Variants in AUTS2 observed in about 807,000 individuals in gnomAD.
AUTS2 encodes the protein activator of transcription and developmental regulator AUTS2.
In AUTS2, 17 loss-of-function variants were observed where a neutral mutation model predicts 112.4. The ratio of observed to expected loss-of-function variants is 0.15; its 90% CI spans 0.10 to 0.23. The LOEUF is 0.23. Among genes scored for constraint, AUTS2 ranks in the 10% least tolerant of loss-of-function variants. The probability of loss-of-function intolerance (pLI) is 1.00; values close to 1 mark genes in which losing one functional copy is unlikely to be tolerated. For synonymous variants in AUTS2, 751 were observed against 702.7 expected (o/e 1.07, Z -1.09); for missense variants, 1,510 against 1,701.6 (o/e 0.89, Z 1.98).
intron 6 of AUTS2, among the ~76,000 whole-genome samples, chr7:70,760,162 C>T (rs1477212373): frequency 3.3e-5 from 5 of 152,180 alleles, no homozygotes; most frequent in Middle Eastern, 3.4e-3. Flanking sequence ...CCCGCCACCA[C>T]GCCCGGCTAA....
chr7:70,537,261 T>C (rs527865200), intron 5 of AUTS2, among the ~76,000 whole-genome samples: 1 of 152,342 alleles, frequency 6.6e-6, no homozygotes, highest in Non-Finnish European at 1.5e-5. Context: ...TAAAAGCAGG[T>C]GACCTTCTGT....
At chr7:69,980,264 T>C (rs1798241779) in intron 2 of AUTS2, among the ~76,000 whole-genome samples, 1 of 152,164 alleles carries the variant, frequency 6.6e-6, no homozygotes, top group Non-Finnish European at 1.5e-5. Flanking sequence ...ATCAACCTTT[T>C]AAAACTTATT....
rs551313087 is a variant in AUTS2 at position 70,396,679 on chromosome 7, T to A, written c.661-39073T>A. On this transcript the variant is annotated intron_variant, in intron 4 of 18. Transcript: ENST00000342771. Reference sequence around the variant, plus strand: ...GGTGTGAGCCACTGCACCTGGCCTATTTTGAGATTCATCTATATGGCTGCA... The same window carrying A: ...GGTGTGAGCCACTGCACCTGGCCTAATTTGAGATTCATCTATATGGCTGCA... 2.0e-5 allele frequency among the ~76,000 whole-genome samples: 3 copies of A among 152,264 alleles called. No individual in the cohort carries two copies. The East Asian group carries it at 5.8e-4, about 29-fold the overall frequency.
Position 70,117,103 on chromosome 7 carries a change from TG to T in AUTS2, c.523-1028del, listed in dbSNP as rs1211714308. Among the ~76,000 whole-genome samples, 121 of 123,834 alleles carry T rather than the reference TG, an allele frequency of 9.8e-4. 1 individual carries two copies. The highest frequency in any genetic ancestry group is 3.3e-3 in the African/African-American group (100 of 29,872). 81.2% of individuals were successfully genotyped at this position (123,834 alleles called of 152,430 possible). ...AACGTAAACTTCATGAGATGACTTT[TG>T]TTTTTTTTTTTTGTTTTTTTTTGTT... is the stretch of plus-strand genomic sequence containing the variant. On this transcript the variant is annotated intron_variant, in intron 2 of 18. Transcript: ENST00000342771.
chr7:70,771,663 A>C lies in AUTS2; in HGVS notation c.1830+19A>C. The C allele has an allele frequency of 6.2e-7, 1 of 1,607,380 alleles. No homozygotes were observed. Among genetic ancestry groups the C allele is most frequent in the African/African-American group, 1.3e-5 (1 of 74,934 alleles). ...GCCGAAGGTAAGAAACCTCACAGTG[A>C]AAACACACAGGCATGTGTCTAAGTG... is the stretch of plus-strand genomic sequence containing the variant. On this transcript the variant is annotated intron_variant, in intron 11 of 18. Transcript: ENST00000342771.
At chr7:69,922,599 G>A (rs1372065479) in intron 2 of AUTS2, among the ~76,000 whole-genome samples, 2 of 152,176 alleles carry the variant, frequency 1.3e-5, no homozygotes, top group Non-Finnish European at 2.9e-5. Flanking sequence ...TTTGGTTGTA[G>A]CCAACTCAGA....
At chr7:69,751,375 T>A (rs1045747375) in intron 1 of AUTS2, among the ~76,000 whole-genome samples, 5 of 150,404 alleles carry the variant, frequency 3.3e-5, no homozygotes, top group Non-Finnish European at 5.9e-5. Flanking sequence ...TTCAAAATAT[T>A]TTTTTTTTGG....
At chr7:70,204,345 G>T (rs1810459931) in intron 4 of AUTS2, among the ~76,000 whole-genome samples, 1 of 152,174 alleles carries the variant, frequency 6.6e-6, no homozygotes, top group Non-Finnish European at 1.5e-5. Context: ...CAGGGATGTA[G>T]AAACATGGTC....
intron 5 of AUTS2, among the ~76,000 whole-genome samples, chr7:70,555,540 G>C (rs917759202): frequency 6.6e-6 from 1 of 152,114 alleles, no homozygotes; most frequent in African/African-American, 2.4e-5. Context: ...TTGGACCCTG[G>C]CACAGTGTCC....
chr7:69,925,182 T>C (rs1795960894), intron 2 of AUTS2, among the ~76,000 whole-genome samples: 1 of 152,186 alleles, frequency 6.6e-6, no homozygotes, highest in Admixed American at 6.5e-5. Context: ...TCAGTATGAC[T>C]GGGAGTTTAT....
chr7:70,716,636 CAAAAAAAAAAAAAAAAAA>C (rs34972760), intron 6 of AUTS2, among the ~76,000 whole-genome samples: 2 of 64,950 alleles, frequency 3.1e-5, no homozygotes, highest in Non-Finnish European at 5.6e-5. Flanking sequence ...GACTCCGTCT[CAAAAAAAAAAAAAAAAAA>C]AAAAAAAAAA....
chr7:70,746,331 A>G (rs950546095), intron 6 of AUTS2, among the ~76,000 whole-genome samples: 1 of 152,096 alleles, frequency 6.6e-6, no homozygotes, highest in Non-Finnish European at 1.5e-5. Flanking sequence ...TTTTCAGTAG[A>G]GACGGGGTTT....
chr7:70,649,972 C>T (rs537264815), intron 5 of AUTS2, among the ~76,000 whole-genome samples: 34 of 152,260 alleles, frequency 2.2e-4, no homozygotes, highest in African/African-American at 7.5e-4. Context: ...AACAAAATGG[C>T]TTCAACCATG....
At chr7:70,068,344 A>ATT (rs907781369) in intron 2 of AUTS2, among the ~76,000 whole-genome samples, 2 of 143,646 alleles carry the variant, frequency 1.4e-5, no homozygotes, top group Non-Finnish European at 3.1e-5. Context: ...CACCCGGCTA[A>ATT]TTTTTTTTTT....
chr7:70,538,596 T>TAA (rs1800421019), intron 5 of AUTS2, among the ~76,000 whole-genome samples: 1 of 152,234 alleles, frequency 6.6e-6, no homozygotes, highest in African/African-American at 2.4e-5. Context: ...GCATAGTCTT[T>TAA]AATATCAGGA....
intron 11 of AUTS2, 98 bp from the exon 12 acceptor site, chr7:70,773,930 G>T (rs549573744): frequency 1.8e-6 from 2 of 1,112,840 alleles, no homozygotes; most frequent in Admixed American, 1.9e-5. Flanking sequence ...ACAAACAAAT[G>T]AAGTTTGGCT....
intron 1 of AUTS2, among the ~76,000 whole-genome samples, chr7:69,680,184 C>T (rs1376609381): frequency 1.3e-5 from 2 of 152,136 alleles, no homozygotes; most frequent in African/African-American, 4.8e-5. Flanking sequence ...AGTTGTTTTT[C>T]AGAAGTAATC....
intron 2 of AUTS2, among the ~76,000 whole-genome samples, chr7:69,916,344 T>C (rs1182873151): frequency 2.0e-5 from 3 of 152,232 alleles, no homozygotes; most frequent in Non-Finnish European, 4.4e-5. Flanking sequence ...CAGACATAAT[T>C]TTGGGTGCTT....
intron 5 of AUTS2, among the ~76,000 whole-genome samples, chr7:70,548,202 G>A (rs1800868765): frequency 1.3e-5 from 2 of 152,196 alleles, no homozygotes; most frequent in Non-Finnish European, 2.9e-5. Flanking sequence ...CTTTTCATTT[G>A]TAATTAGCCA....
Sources: gnomAD v4.1 joint callset for allele counts (sites outside exome capture counted in the v4.1 genomes callset) on GRCh38, gnomAD v4.1.1 for gene constraint, MANE v1.5 for transcripts, NCBI Gene and HGNC (gene_info 2026-07-23, HGNC 2026-07-21) for gene names.